The following DMXL1 variants were observed in gnomAD, a reference collection of about 807,000 sequenced individuals.
DMXL1 encodes dmX-like protein 1.
Under a neutral mutation model 319.2 loss-of-function variants are expected in DMXL1, and 99 were observed. That is an observed-to-expected ratio of 0.31 (90% confidence interval 0.26 to 0.37). The LOEUF (loss-of-function observed/expected upper bound fraction) is 0.37. Among genes scored for constraint, DMXL1 ranks in the 10% least tolerant of loss-of-function variants. The probability of loss-of-function intolerance (pLI) is 1.00; values close to 1 mark genes in which losing one functional copy is unlikely to be tolerated. For synonymous variants in DMXL1, 1,385 were observed against 1,235.2 expected (o/e 1.12, Z -2.54); for missense variants, 3,745 against 3,595.6 (o/e 1.04, Z -1.06).
chr5:119,087,561 T>G (rs976725252), intron 1 of DMXL1, among the ~76,000 whole-genome samples: 15 of 152,196 alleles, frequency 9.9e-5, no homozygotes, highest in African/African-American at 3.6e-4. Context: ...TTCAGACTTG[T>G]TTTGTGACCT....
chr5:119,096,291 C>G (rs1358471655), intron 1 of DMXL1, among the ~76,000 whole-genome samples: 2 of 151,890 alleles, frequency 1.3e-5, no homozygotes, highest in African/African-American at 4.8e-5. Flanking sequence ...ATTCTCCTGC[C>G]TCAGCCTCCC....
intron 28 of DMXL1, among the ~76,000 whole-genome samples, chr5:119,187,284 G>A (rs2150358982): frequency 6.6e-6 from 1 of 152,206 alleles, no homozygotes; most frequent in East Asian, 1.9e-4. Flanking sequence ...TACTAATAAA[G>A]TAGCGGTTTT....
In DMXL1 at chr5:119,119,232, G is replaced by T. The variant is rs1047358271; in HGVS notation, c.933+228G>T. Reference sequence around the variant, plus strand: ...TTAGGTTTACTGATGATGATAAAAGGATGATTACATTTGACTTGGCTGAAG... The same window carrying T: ...TTAGGTTTACTGATGATGATAAAAGTATGATTACATTTGACTTGGCTGAAG... On this transcript the variant is annotated intron_variant, in intron 8 of 43. Transcript: ENST00000539542. Among the ~76,000 whole-genome samples the T allele has an allele frequency of 3.9e-5, 6 of 152,268 alleles. No individual in the cohort carries two copies. The highest frequency in any genetic ancestry group is 8.8e-5 in the Non-Finnish European group (6 of 68,022).
At position 119,133,370 on chromosome 5, in the gene DMXL1, G is replaced by A; in HGVS notation, c.1554G>A (p.Met518Ile). The A allele has an allele frequency of 6.2e-7, 1 of 1,612,176 alleles. No homozygotes were observed. The highest frequency in any genetic ancestry group is 8.5e-7 in the Non-Finnish European group (1 of 1,178,430). The change falls in exon 11 of 44, where the codon ATG becomes ATA. Residue 518 changes from methionine (M) to isoleucine (I), a missense_variant. Physicochemically the swap from Met to Ile is conservative, Grantham distance 10. This residue lies in a region of DMXL1 where 2,096 missense variants were observed against 1,985.4 expected (regional missense o/e 1.06). Coordinates refer to ENST00000539542, the MANE Select transcript of DMXL1 (RefSeq NM_001290321.3). ...GGCTGGATGAATACCAGCCTGGTAT[G>A]TTTCGTCAAGTACAGGTACTACTGT... ...VDWLDEYQPG[M>I]FRQVQVSFVS...
chr5:119,087,858 A>G (rs941122465), intron 1 of DMXL1, among the ~76,000 whole-genome samples: 3 of 151,896 alleles, frequency 2.0e-5, no homozygotes, highest in African/African-American at 2.4e-5. Flanking sequence ...CTGGAGTGCA[A>G]TGGCGCTATC....
At chr5:119,141,928 T>C (rs528156632) in intron 13 of DMXL1, among the ~76,000 whole-genome samples, 9 of 151,816 alleles carry the variant, frequency 5.9e-5, no homozygotes, top group African/African-American at 2.2e-4. Context: ...CATTGACCAA[T>C]GGAACACAAT....
At chr5:119,073,982 G>A (rs879292992) in intron 1 of DMXL1, among the ~76,000 whole-genome samples, 1 of 151,664 alleles carries the variant, frequency 6.6e-6, no homozygotes, top group Admixed American at 6.6e-5. Flanking sequence ...GCAATGGCGC[G>A]ATCTTAGCTC....
chr5:119,075,398 C>G (rs1159434419), intron 1 of DMXL1, among the ~76,000 whole-genome samples: 1 of 151,844 alleles, frequency 6.6e-6, no homozygotes, highest in African/African-American at 2.4e-5. Flanking sequence ...CACCACCACG[C>G]CCAGCTAATT....
chr5:119,242,956 G>T (rs1486172107), intron 42 of DMXL1, among the ~76,000 whole-genome samples: 2 of 152,112 alleles, frequency 1.3e-5, no homozygotes, highest in Non-Finnish European at 2.9e-5. Flanking sequence ...ACTCAAAATG[G>T]ACCATAAACC....
chr5:119,113,398 C>T (rs186116008), intron 5 of DMXL1, among the ~76,000 whole-genome samples: 13 of 152,214 alleles, frequency 8.5e-5, no homozygotes, highest in Non-Finnish European at 1.5e-4. Context: ...CATGCCACCA[C>T]GCCTGGCTAA....
intron 1 of DMXL1, among the ~76,000 whole-genome samples, chr5:119,085,916 G>A (rs1416620714): frequency 6.6e-6 from 1 of 152,080 alleles, no homozygotes; most frequent in African/African-American, 2.4e-5. Flanking sequence ...TTTATCAAAT[G>A]CTTTTCCAGG....
At chr5:119,141,161 A>G (rs1316377326) in intron 13 of DMXL1, among the ~76,000 whole-genome samples, 1 of 152,188 alleles carries the variant, frequency 6.6e-6, no homozygotes, top group Non-Finnish European at 1.5e-5. Flanking sequence ...CTGAATGGGC[A>G]AAAGCTGGAA....
rs1468980014 is a variant in DMXL1 at position 119,167,393 on chromosome 5, A to G, written c.5137-210A>G. Among the ~76,000 whole-genome samples the G allele has an allele frequency of 2.0e-5, 3 of 152,120 alleles. No homozygotes were observed. The East Asian group carries it at 5.8e-4, about 29-fold the overall frequency. ...TTTTGCACATATATATATATTTAGTACTAGAAGGTAGGTTTGCAGTTATTA... is the reference window on the plus strand; with the variant it reads ...TTTTGCACATATATATATATTTAGTGCTAGAAGGTAGGTTTGCAGTTATTA... On this transcript the variant is annotated intron_variant, in intron 22 of 43. Coordinates refer to ENST00000539542, the MANE Select transcript of DMXL1 (RefSeq NM_001290321.3).
At chr5:119,081,521 A>G in intron 1 of DMXL1, 4 of 959,806 alleles carry the variant, frequency 4.2e-6, no homozygotes, top group Non-Finnish European at 5.0e-6. Context: ...TTCACACTTA[A>G]GTCAATTAAC....
intron 1 of DMXL1, among the ~76,000 whole-genome samples, chr5:119,072,087 C>T (rs1453197146): frequency 1.3e-5 from 2 of 152,030 alleles, no homozygotes; most frequent in African/African-American, 4.8e-5. Context: ...AAGTGGGTGT[C>T]TCAAAACAAT....
chr5:119,129,733 A>G (rs1003618756), intron 10 of DMXL1, among the ~76,000 whole-genome samples: 2 of 152,218 alleles, frequency 1.3e-5, no homozygotes, highest in African/African-American at 4.8e-5. Flanking sequence ...GCATGTCTCA[A>G]GGTCCACACA....
At chr5:119,146,563 A>G (rs527962021) in intron 15 of DMXL1, among the ~76,000 whole-genome samples, 7 of 152,108 alleles carry the variant, frequency 4.6e-5, no homozygotes, top group African/African-American at 1.4e-4. Context: ...CCTACTTCTT[A>G]TGGTTTAATC....
intron 9 of DMXL1, among the ~76,000 whole-genome samples, chr5:119,122,004 C>A (rs1262965444): frequency 1.3e-4 from 19 of 144,170 alleles, no homozygotes; most frequent in Non-Finnish European, 2.5e-4. Context: ...AGGCGCCCCT[C>A]ACCTCCCGGA....
At chr5:119,119,097 T>C (rs1430486073) in intron 8 of DMXL1, 93 bp downstream of exon 8, 1 of 789,752 alleles carries the variant, frequency 1.3e-6, no homozygotes, top group East Asian at 3.0e-5. Flanking sequence ...AAAAACTATA[T>C]CCTAGGAAAA....
Sources: allele counts gnomAD v4.1 joint callset (sites outside exome capture counted in the v4.1 genomes callset), GRCh38; gene constraint gnomAD v4.1.1; regional missense constraint gnomAD v4.1.1; transcripts MANE v1.5; gene names NCBI Gene and HGNC (gene_info 2026-07-23, HGNC 2026-07-21).